The following GPHN variants were observed in gnomAD, a reference collection of about 807,000 sequenced individuals.
GPHN encodes the protein gephyrin.
Under a neutral mutation model 95.5 loss-of-function variants are expected in GPHN, and 17 were observed. The ratio of observed to expected loss-of-function variants is 0.18; its 90% CI spans 0.12 to 0.27. The LOEUF is 0.27. GPHN is among the 10% of genes least tolerant of loss of function. The pLI, the probability that GPHN is intolerant of heterozygous loss-of-function variation, is 1.00. For synonymous variants in GPHN, 320 were observed against 322.5 expected, an observed-to-expected ratio of 0.99 and a Z score of 0.08; for missense variants, 660 against 978.1, an observed-to-expected ratio of 0.67 and a Z score of 4.34.
intron 4 of GPHN, among the ~76,000 whole-genome samples, chr14:66,835,514 C>A (rs967725178): frequency 1.3e-5 from 2 of 151,512 alleles, no homozygotes; most frequent in Non-Finnish European, 3.0e-5. Flanking sequence ...AAACTGGAAG[C>A]ATTCCCTTTG....
At chr14:67,323,615 A>AATATATATATATATATATCTAT in the GPHN span, 1 of 242,198 alleles carries the variant, frequency 4.1e-6, no homozygotes, top group Non-Finnish European at 7.5e-6. Flanking sequence ...CCCTTAATCT[A>AATATATATATATATATATCTAT]ATATATATAT....
the GPHN span, among the ~76,000 whole-genome samples, chr14:67,313,685 T>C: frequency 2.0e-5 from 3 of 152,158 alleles, no homozygotes; most frequent in African/African-American, 7.2e-5. Context: ...TAAATGCTGT[T>C]ATGTCTGCAC....
At chr14:66,761,995 G>A (rs779645331) in intron 2 of GPHN, among the ~76,000 whole-genome samples, 10 of 152,112 alleles carry the variant, frequency 6.6e-5, no homozygotes, top group South Asian at 2.1e-4. Flanking sequence ...GCCTAGCAAT[G>A]ATGTAGAAGC....
intron 1 of GPHN, 152 bp downstream of exon 1, chr14:66,508,743 G>C: frequency 1.4e-6 from 1 of 730,322 alleles, no homozygotes; most frequent in Non-Finnish European, 2.5e-6. Flanking sequence ...GCTGAGAACC[G>C]CCGGAGATTG....
At chr14:66,788,881 C>T (rs374915467) in intron 3 of GPHN, among the ~76,000 whole-genome samples, 100 of 152,192 alleles carry the variant, frequency 6.6e-4, no homozygotes, top group African/African-American at 1.9e-3. Context: ...GATGGGGTTT[C>T]GCCAGTAGGC....
chr14:66,570,915 T>C (rs776884019), intron 1 of GPHN, among the ~76,000 whole-genome samples: 5 of 152,206 alleles, frequency 3.3e-5, no homozygotes, highest in Admixed American at 6.5e-5. Context: ...TATGTCCTTT[T>C]TTGAGAAATG....
At chr14:66,512,899 ATC>A (rs912780700) in intron 1 of GPHN, among the ~76,000 whole-genome samples, 1 of 151,818 alleles carries the variant, frequency 6.6e-6, no homozygotes, top group African/African-American at 2.4e-5. Context: ...TACATATTAT[ATC>A]TGTTTTGAGA....
chr14:67,376,694 T>A, the GPHN span: 3 of 1,295,834 alleles, frequency 2.3e-6, no homozygotes, highest in Non-Finnish European at 3.2e-6. Flanking sequence ...AAATTTAGAT[T>A]AAAATATTTT....
the GPHN span, among the ~76,000 whole-genome samples, chr14:67,373,837 T>C: frequency 4.6e-5 from 6 of 129,694 alleles, no homozygotes; most frequent in African/African-American, 2.3e-4. Flanking sequence ...AGTTTTAATT[T>C]GTTCAGTGTG....
At chr14:67,578,417 G>A in the GPHN span, 82 of 845,008 alleles carry the variant, frequency 9.7e-5, no homozygotes, top group Non-Finnish European at 1.4e-4. This position sits in a 1 kb window ranked among gnomAD's most constrained non-coding sequence, Gnocchi z 5.0. Context: ...AGCACCCAGA[G>A]CAAGTTGGGG....
At chr14:67,110,423 T>C (rs1645468105) in intron 14 of GPHN, 164 bp downstream of exon 14, 9 of 668,244 alleles carry the variant, frequency 1.3e-5, no homozygotes, top group Non-Finnish European at 2.4e-5. Flanking sequence ...GAGTCTCCAG[T>C]AAATAAGAAA....
intron 18 of GPHN, among the ~76,000 whole-genome samples, chr14:67,150,390 G>A (rs1341078824): frequency 7.7e-6 from 1 of 129,710 alleles, no homozygotes; most frequent in Non-Finnish European, 1.5e-5. Flanking sequence ...GCAGTGAGCC[G>A]AGATCCCGCC....
the GPHN span, among the ~76,000 whole-genome samples, chr14:67,339,615 A>T: frequency 6.6e-6 from 1 of 152,200 alleles, no homozygotes; most frequent in Admixed American, 6.5e-5. Context: ...ATGGACATGC[A>T]TAATTTCTCT....
At chr14:67,726,636 G>A in the GPHN span, among the ~76,000 whole-genome samples, 1 of 152,298 alleles carries the variant, frequency 6.6e-6, no homozygotes, top group Admixed American at 6.5e-5. Context: ...CTAAGCAAAT[G>A]TTATCTTCCC....
intron 2 of GPHN, among the ~76,000 whole-genome samples, chr14:66,731,814 T>C (rs2071791413): frequency 6.6e-6 from 1 of 151,886 alleles, no homozygotes; most frequent in Non-Finnish European, 1.5e-5. Flanking sequence ...GAAGAAAAAA[T>C]GGTTTCGTGG....
At chr14:66,793,884 CAT>C (rs2060063950) in intron 3 of GPHN, among the ~76,000 whole-genome samples, 1 of 151,890 alleles carries the variant, frequency 6.6e-6, no homozygotes, top group South Asian at 2.1e-4. Context: ...TAATAAGAGA[CAT>C]ATAGAAAACA....
chr14:66,824,990 A>G (rs950416936), intron 4 of GPHN, among the ~76,000 whole-genome samples: 1 of 152,180 alleles, frequency 6.6e-6, no homozygotes, highest in Non-Finnish European at 1.5e-5. Context: ...CTGATTTTAC[A>G]GTACTTTTGT....
rs184915890 is a variant in GPHN, at chr14:66,970,740, G to A, written c.963+5415G>A. Among the ~76,000 whole-genome samples, 226 of 152,232 alleles carry A rather than the reference G, an allele frequency of 1.5e-3. 1 individual carries two copies. Among genetic ancestry groups the A allele is most frequent in the Non-Finnish European group, 2.6e-3 (178 of 68,004 alleles). On this transcript the variant is annotated intron_variant, in intron 9 of 22. Transcript: ENST00000478722. ...TATATCAACATTGGTATGACAATAT[G>A]TTCAGCTATTAATGACATTATAGAA...
chr14:67,616,216 C>CTT, the GPHN span: 3,008 of 174,252 alleles, frequency 0.017, 86 homozygotes, highest in African/African-American at 0.057. Context: ...TGTACACTGT[C>CTT]TTTTTTTTTT....
Sources: gnomAD v4.1 joint callset for allele counts (sites outside exome capture counted in the v4.1 genomes callset) on GRCh38, gnomAD v4.1.1 for gene constraint, Gnocchi (gnomAD v3.1) non-coding constraint, MANE v1.5 for transcripts, NCBI Gene and HGNC (gene_info 2026-07-23, HGNC 2026-07-21) for gene names.